DIAPH2: variants seen among roughly 807,000 people sequenced by gnomAD.
DIAPH2 encodes diaphanous related formin 2.
Under a neutral mutation model 92.7 loss-of-function variants are expected in DIAPH2, and 35 were observed. That is an observed-to-expected ratio of 0.38 (90% CI 0.29 to 0.50). The LOEUF (loss-of-function observed/expected upper bound fraction) is 0.50. Among genes scored for constraint, DIAPH2 ranks in the 20% least tolerant of loss-of-function variants. DIAPH2 has a pLI of 0.94. For missense variants in DIAPH2, 701 were observed against 819.5 expected (o/e 0.86, Z 1.77); for synonymous variants, 301 against 280.4 (o/e 1.07, Z -0.73).
At chrX:97,141,643 A>T (rs776101576) in intron 21 of DIAPH2, 22 bp from the exon 22 acceptor site, 7 of 1,166,991 alleles carry the variant, frequency 6.0e-6, no homozygotes, top group Admixed American at 5.8e-5. Flanking sequence ...TTACTAAAAA[A>T]TGTGTTGTTG....
intron 22 of DIAPH2, among the ~76,000 whole-genome samples, chrX:97,196,165 G>A (rs1415112924): frequency 9.0e-6 from 1 of 110,745 alleles, no homozygotes; most frequent in African/African-American, 3.3e-5. Context: ...GCTTATCACT[G>A]GATCCAGAAC....
intron 17 of DIAPH2, among the ~76,000 whole-genome samples, chrX:97,011,458 C>T (rs919697409): frequency 2.7e-5 from 3 of 111,608 alleles, no homozygotes; most frequent in Non-Finnish European, 5.6e-5. Context: ...GCAGATGAAC[C>T]GATAAGTTAT....
intron 24 of DIAPH2, among the ~76,000 whole-genome samples, chrX:97,379,389 C>T (rs1221510554): frequency 8.9e-6 from 1 of 112,193 alleles, no homozygotes; most frequent in Admixed American, 9.5e-5. Context: ...TTCTGTTATA[C>T]ATAATAATCA....
At chrX:97,584,823 A>G (rs779482166) in intron 26 of DIAPH2, among the ~76,000 whole-genome samples, 16 of 112,536 alleles carry the variant, frequency 1.4e-4, no homozygotes, top group Non-Finnish European at 2.1e-4. Context: ...CATATTTACC[A>G]CTCAATTTTT....
At chrX:96,895,483 A>T (rs1242767566) in intron 5 of DIAPH2, among the ~76,000 whole-genome samples, 3 of 112,207 alleles carry the variant, frequency 2.7e-5, no homozygotes, top group African/African-American at 9.7e-5. Context: ...CTCACAGCTG[A>T]TTTGGAATCA....
chrX:97,577,012 T>C (rs768821094), intron 26 of DIAPH2, among the ~76,000 whole-genome samples: 1 of 111,906 alleles, frequency 8.9e-6, no homozygotes, highest in African/African-American at 3.2e-5. Context: ...AGGAAGTATC[T>C]TTCACTTCAA....
intron 17 of DIAPH2, among the ~76,000 whole-genome samples, chrX:97,028,783 T>C (rs1351413868): frequency 8.9e-6 from 1 of 112,053 alleles, no homozygotes; most frequent in Admixed American, 9.5e-5. Context: ...AAGTACTTGT[T>C]TGAATGTGTC....
intron 26 of DIAPH2, among the ~76,000 whole-genome samples, chrX:97,438,369 T>G (rs1477930274): frequency 3.8e-5 from 3 of 79,340 alleles, no homozygotes; most frequent in South Asian, 1.4e-3. Context: ...GTTTTTTTTT[T>G]TTTTTTTTTT....
In DIAPH2 at chrX:96,897,098, G is replaced by A. The variant is rs188129875; in HGVS notation, c.588-15230G>A. 1.5e-3 allele frequency among the ~76,000 whole-genome samples: 167 copies of A among 111,574 alleles called. 2 individuals carry two copies. Among genetic ancestry groups the A allele is most frequent in the Admixed American group, 0.014 (151 of 10,447 alleles). On this transcript the variant is annotated intron_variant, in intron 5 of 26. Coordinates refer to ENST00000324765, the MANE Select transcript of DIAPH2 (RefSeq NM_006729.5). ...AAGGTGTAAGTTCAAGAGATTCATC[G>A]TACATCATGGCGACTGTAGTTAATA... is the stretch of plus-strand genomic sequence containing the variant.
chrX:97,539,540 T>A (rs1389653739), intron 26 of DIAPH2, among the ~76,000 whole-genome samples: 1 of 112,146 alleles, frequency 8.9e-6, no homozygotes, highest in Non-Finnish European at 1.9e-5. Context: ...AATAATTTAG[T>A]TTTAAAGCAA....
At chrX:96,742,933 G>A (rs976933517) in intron 3 of DIAPH2, among the ~76,000 whole-genome samples, 2 of 111,910 alleles carry the variant, frequency 1.8e-5, no homozygotes, top group East Asian at 5.6e-4. Context: ...CAAAGCGTTG[G>A]GATTACAGGC....
At chrX:96,749,307 T>TA (rs2064172786) in intron 3 of DIAPH2, among the ~76,000 whole-genome samples, 1 of 110,331 alleles carries the variant, frequency 9.1e-6, no homozygotes, top group Non-Finnish European at 1.9e-5. Context: ...AAAATTAGTT[T>TA]ATTTCTTAAT....
At chrX:96,873,688 ATATATATACACATG>A (rs2147738206) in intron 4 of DIAPH2, among the ~76,000 whole-genome samples, 1 of 110,083 alleles carries the variant, frequency 9.1e-6, no homozygotes, top group Admixed American at 9.9e-5. Context: ...ACATATAAAA[ATATATATACACATG>A]TATATATACA....
intron 1 of DIAPH2, among the ~76,000 whole-genome samples, chrX:96,716,438 T>A (rs1294626381): frequency 1.8e-5 from 2 of 111,893 alleles, no homozygotes; most frequent in Non-Finnish European, 3.8e-5. Flanking sequence ...GATAAGTTAG[T>A]TACTGATGTA....
At chrX:97,369,665 A>G (rs926121418) in intron 24 of DIAPH2, among the ~76,000 whole-genome samples, 4 of 111,150 alleles carry the variant, frequency 3.6e-5, no homozygotes, top group African/African-American at 1.3e-4. Flanking sequence ...GTGCTACCCC[A>G]TAATTACTGA....
intron 21 of DIAPH2, among the ~76,000 whole-genome samples, chrX:97,134,415 A>G (rs1285397017): frequency 8.9e-6 from 1 of 111,871 alleles, no homozygotes; most frequent in Non-Finnish European, 1.9e-5. Context: ...GACCTAGGCA[A>G]GCTGTAGACA....
intron 22 of DIAPH2, among the ~76,000 whole-genome samples, chrX:97,235,374 G>A (rs943675703): frequency 1.8e-5 from 2 of 111,000 alleles, no homozygotes; most frequent in African/African-American, 6.5e-5. Flanking sequence ...GGGAGGCCAC[G>A]GTGGGTGGAT....
chrX:96,711,468 C>T (rs2063917645), intron 1 of DIAPH2, among the ~76,000 whole-genome samples: 1 of 111,886 alleles, frequency 8.9e-6, no homozygotes, highest in East Asian at 2.8e-4. Flanking sequence ...TGGCCATTTG[C>T]ATATCTTCTT....
At chrX:97,502,322 C>A (rs12847298) in intron 26 of DIAPH2, among the ~76,000 whole-genome samples, 5,594 of 111,891 alleles carry the variant, frequency 0.05, 152 homozygotes, top group Middle Eastern at 0.078. Flanking sequence ...AAAACTCAGG[C>A]GGGACTTTCA....
Sources: allele counts gnomAD v4.1 joint callset (sites outside exome capture counted in the v4.1 genomes callset), GRCh38; gene constraint gnomAD v4.1.1; transcripts MANE v1.5; gene names NCBI Gene and HGNC (gene_info 2026-07-23, HGNC 2026-07-21).